The following SUPT3H variants were observed in gnomAD, a reference collection of about 807,000 sequenced individuals.
SUPT3H encodes SPT3 homolog, SAGA and STAGA complex component, also known as transcription initiation protein SPT3 homolog.
A neutral mutation model predicts 44.3 loss-of-function variants in SUPT3H; 44 were observed. That is an observed-to-expected ratio of 0.99 (90% CI 0.78 to 1.28). The LOEUF (loss-of-function observed/expected upper bound fraction) is 1.28. Ranked by LOEUF, SUPT3H falls within the 50% of genes most tolerant of loss-of-function variation. The pLI is 0.00. For synonymous variants in SUPT3H, 124 were observed against 125.6 expected (o/e 0.99, Z 0.09); for missense variants, 380 against 387.1 (o/e 0.98, Z 0.15).
At chr6:44,831,759 A>C (rs947964915) in intron 10 of SUPT3H, among the ~76,000 whole-genome samples, 28 of 145,824 alleles carry the variant, frequency 1.9e-4, no homozygotes, top group Non-Finnish European at 3.4e-4. Context: ...GTCTTAGCTG[A>C]GTTCACCTGA....
chr6:45,051,747 G>C (rs1317398236), intron 3 of SUPT3H, among the ~76,000 whole-genome samples: 1 of 152,090 alleles, frequency 6.6e-6, no homozygotes, highest in Non-Finnish European at 1.5e-5. Context: ...ATGAGGCCAA[G>C]GGTACTAAGT....
At chr6:45,176,452 C>T (rs1299329064) in intron 2 of SUPT3H, among the ~76,000 whole-genome samples, 1 of 152,150 alleles carries the variant, frequency 6.6e-6, no homozygotes, top group African/African-American at 2.4e-5. Flanking sequence ...TGATTGCTAG[C>T]ACAGCAGTCT....
chr6:45,182,596 GT>G (rs1813479953), intron 2 of SUPT3H, among the ~76,000 whole-genome samples: 1 of 152,150 alleles, frequency 6.6e-6, no homozygotes, highest in Non-Finnish European at 1.5e-5. Context: ...TTTTAGAGCA[GT>G]TTTAGGTTCA....
intron 3 of SUPT3H, among the ~76,000 whole-genome samples, chr6:45,049,752 C>T (rs750707255): frequency 6.6e-6 from 1 of 152,126 alleles, no homozygotes; most frequent in African/African-American, 2.4e-5. Context: ...ACTATATTTA[C>T]CTCCTGATGG....
At chr6:45,371,833 A>C in intron 1 of SUPT3H, 2 of 984,434 alleles carry the variant, frequency 2.0e-6, no homozygotes, top group Non-Finnish European at 2.4e-6. Flanking sequence ...ATCTGAGCAG[A>C]CTTCAGAACT....
chr6:45,275,629 A>T (rs2153663822), intron 2 of SUPT3H, among the ~76,000 whole-genome samples: 1 of 152,270 alleles, frequency 6.6e-6, no homozygotes, highest in Admixed American at 6.5e-5. Context: ...AACTGGTGAA[A>T]TTTAAATAAG....
At chr6:45,169,048 T>C (rs1179682629) in intron 2 of SUPT3H, among the ~76,000 whole-genome samples, 3 of 152,182 alleles carry the variant, frequency 2.0e-5, no homozygotes, top group Admixed American at 2.0e-4. Flanking sequence ...CTGATTGTAA[T>C]GGATCAGAGA....
intron 10 of SUPT3H, among the ~76,000 whole-genome samples, chr6:44,904,542 A>C (rs887255320): frequency 6.6e-6 from 1 of 152,074 alleles, no homozygotes; most frequent in Non-Finnish European, 1.5e-5. Flanking sequence ...ATGGAAGAAC[A>C]CTCCATGCTC....
At chr6:45,008,891 C>G (rs1783080155) in intron 5 of SUPT3H, among the ~76,000 whole-genome samples, 1 of 152,122 alleles carries the variant, frequency 6.6e-6, no homozygotes, top group Non-Finnish European at 1.5e-5. Flanking sequence ...AGGCACACAC[C>G]ACTATACCCA....
At chr6:45,053,251 A>G (rs1790588664) in intron 3 of SUPT3H, among the ~76,000 whole-genome samples, 2 of 151,448 alleles carry the variant, frequency 1.3e-5, no homozygotes, top group Non-Finnish European at 2.9e-5. Context: ...GGGTCTCACA[A>G]TGTTGCCCAG....
intron 2 of SUPT3H, among the ~76,000 whole-genome samples, chr6:45,268,741 A>T (rs1775660290): frequency 6.6e-6 from 1 of 152,194 alleles, no homozygotes; most frequent in Admixed American, 6.5e-5. Flanking sequence ...ACAAAACTAA[A>T]TGTTAGATAA....
chr6:44,948,219 C>T (rs1773663916), intron 9 of SUPT3H, among the ~76,000 whole-genome samples: 1 of 152,142 alleles, frequency 6.6e-6, no homozygotes, highest in African/African-American at 2.4e-5. Context: ...CCCTTCCTTA[C>T]ACCTTATACA....
At chr6:44,839,990 G>A (rs189797533) in intron 10 of SUPT3H, among the ~76,000 whole-genome samples, 69 of 152,254 alleles carry the variant, frequency 4.5e-4, no homozygotes, top group East Asian at 9.7e-4. Context: ...GTGAGCCACC[G>A]CACCCAGCCC....
intron 3 of SUPT3H, among the ~76,000 whole-genome samples, chr6:45,074,412 T>C (rs545270174): frequency 2.6e-5 from 4 of 151,998 alleles, no homozygotes; most frequent in South Asian, 2.1e-4. Context: ...AAAGTTTGAA[T>C]AGACACACCA....
At chr6:45,328,647 G>A in intron 2 of SUPT3H, 2 of 1,610,500 alleles carry the variant, frequency 1.2e-6, no homozygotes, top group Middle Eastern at 1.7e-4. Context: ...TTTGGGTATG[G>A]TTTGTATTTT....
rs547610635 is a variant in SUPT3H, at chr6:44,901,736, T to C, written c.912+30917A>G. On this transcript the variant is annotated intron_variant, in intron 10 of 10. Transcript: ENST00000371459. ...CACATAATTGTCAGATTCACCAAAG[T>C]TGAAATGAAGGAAAAAATGTTAAGG... Among the ~76,000 whole-genome samples the C allele has an allele frequency of 7.0e-3, 1,051 of 150,238 alleles. 9 individuals are homozygous for C. The highest frequency in any genetic ancestry group is 0.01 in the Non-Finnish European group (686 of 67,180).
intron 2 of SUPT3H, among the ~76,000 whole-genome samples, chr6:45,150,134 T>G (rs1434677719): frequency 6.6e-6 from 1 of 152,188 alleles, no homozygotes; most frequent in African/African-American, 2.4e-5. Context: ...TTAATGAAGC[T>G]TATTTTTTTT....
At chr6:45,123,461 C>A (rs1352544938) in intron 2 of SUPT3H, among the ~76,000 whole-genome samples, 1 of 151,392 alleles carries the variant, frequency 6.6e-6, no homozygotes, top group Non-Finnish European at 1.5e-5. Flanking sequence ...GAAGCCTCCA[C>A]CCTCTGGTCT....
At chr6:45,148,852 T>C (rs946631918) in intron 2 of SUPT3H, among the ~76,000 whole-genome samples, 56 of 152,278 alleles carry the variant, frequency 3.7e-4, no homozygotes, top group African/African-American at 1.3e-3. Flanking sequence ...GTGGTTTTCA[T>C]TGTGTAATTC....
Sources: gnomAD v4.1 joint callset for allele counts (sites outside exome capture counted in the v4.1 genomes callset) on GRCh38, gnomAD v4.1.1 for gene constraint, MANE v1.5 for transcripts, NCBI Gene and HGNC (gene_info 2026-07-23, HGNC 2026-07-21) for gene names.